The following TLK2 variants were observed in gnomAD, a reference collection of about 807,000 sequenced individuals.
TLK2 encodes the protein tousled like kinase 2.
In TLK2, 6 loss-of-function variants were observed where a neutral mutation model predicts 117.3. The observed-to-expected ratio is 0.05, with a 90% CI of 0.03 to 0.10. The LOEUF is 0.10. Among genes scored for constraint, TLK2 ranks in the 10% least tolerant of loss-of-function variants. The pLI, the probability that TLK2 is intolerant of heterozygous loss-of-function variation, is 1.00. For missense variants in TLK2, 299 were observed against 901.2 expected (o/e 0.33, Z 8.56); for synonymous variants, 257 against 316.7 (o/e 0.81, Z 2.00).
chr17:62,544,950 C>T (rs937485401), intron 7 of TLK2, among the ~76,000 whole-genome samples: 4 of 152,110 alleles, frequency 2.6e-5, no homozygotes, highest in Admixed American at 1.3e-4. Flanking sequence ...ATTCTTTTTA[C>T]GCTATTGCAA....
chr17:62,571,373 T>C (rs1372436105), intron 11 of TLK2, among the ~76,000 whole-genome samples: 4 of 152,180 alleles, frequency 2.6e-5, no homozygotes, highest in Non-Finnish European at 4.4e-5. Context: ...ATATTGTTTA[T>C]GGAATAATAA....
chr17:62,499,592 G>T (rs1468217530), intron 2 of TLK2, among the ~76,000 whole-genome samples: 1 of 152,076 alleles, frequency 6.6e-6, no homozygotes, highest in Non-Finnish European at 1.5e-5. Flanking sequence ...GCTCACGCCT[G>T]TAATCCTAGC....
chr17:62,540,070 TTTCTTCTTTC>T (rs1247284109), intron 7 of TLK2, among the ~76,000 whole-genome samples: 4 of 138,414 alleles, frequency 2.9e-5, no homozygotes, highest in Admixed American at 7.4e-5. Context: ...TTCTTTCTCC[TTTCTTCTTTC>T]TTCTTCTTTC....
chr17:62,528,482 T>C (rs2076524785), intron 6 of TLK2, among the ~76,000 whole-genome samples: 1 of 152,122 alleles, frequency 6.6e-6, no homozygotes, highest in African/African-American at 2.4e-5. Context: ...AGTGGCGCAA[T>C]CTTGGCTCAC....
intron 2 of TLK2, among the ~76,000 whole-genome samples, chr17:62,498,963 C>CGAGACCCTCCCACCT (rs1195040464): frequency 6.6e-6 from 1 of 152,066 alleles, no homozygotes; most frequent in African/African-American, 2.4e-5. Context: ...CCAGGGCTCA[C>CGAGACCCTCCCACCT]GAGACCCTCC....
intron 11 of TLK2, among the ~76,000 whole-genome samples, chr17:62,568,988 T>C (rs185424237): frequency 4.9e-4 from 74 of 151,542 alleles, no homozygotes; most frequent in Non-Finnish European, 6.8e-4. Context: ...ACAGAATATA[T>C]TCAATCCTGG....
At chr17:62,579,368 A>T (rs1359704333) in intron 14 of TLK2, among the ~76,000 whole-genome samples, 1 of 152,138 alleles carries the variant, frequency 6.6e-6, no homozygotes, top group Non-Finnish European at 1.5e-5. Context: ...TTGCCCAGGG[A>T]CCCATAAATA....
At chr17:62,538,370 G>GA (rs2077265500) in intron 7 of TLK2, among the ~76,000 whole-genome samples, 1 of 152,016 alleles carries the variant, frequency 6.6e-6, no homozygotes. Context: ...TACTTTTCCA[G>GA]AAAAAACCTT....
chr17:62,519,937 T>C (rs2075918233), intron 2 of TLK2, among the ~76,000 whole-genome samples: 2 of 152,140 alleles, frequency 1.3e-5, no homozygotes, highest in Non-Finnish European at 1.5e-5. Flanking sequence ...ACAACCCCTA[T>C]TGTTTTTGGG....
chr17:62,570,384 CT>C, intron 11 of TLK2, among the ~76,000 whole-genome samples: 1 of 152,226 alleles, frequency 6.6e-6, no homozygotes, highest in South Asian at 2.1e-4. Context: ...AGGGCGAGCG[CT>C]CTCTAAAATT....
At chr17:62,604,103 C>G (rs1255566338) in intron 19 of TLK2, among the ~76,000 whole-genome samples, 2 of 151,918 alleles carry the variant, frequency 1.3e-5, no homozygotes, top group African/African-American at 4.8e-5. Flanking sequence ...CTCCCGAGTT[C>G]AAGTGATTCT....
intron 7 of TLK2, among the ~76,000 whole-genome samples, chr17:62,546,279 C>G (rs950404976): frequency 6.6e-6 from 1 of 150,654 alleles, no homozygotes; most frequent in African/African-American, 2.4e-5. Context: ...TCCCAAAGTA[C>G]TGCGATTATA....
upstream of TLK2, chr17:62,477,744 AGAGT>A (rs1387285045): frequency 6.6e-6 from 1 of 152,240 alleles, no homozygotes; most frequent in East Asian, 1.9e-4. Flanking sequence ...GCGCCGGTGA[AGAGT>A]GATTTTTTTC....
intron 17 of TLK2, among the ~76,000 whole-genome samples, chr17:62,597,749 A>G (rs574979180): frequency 6.6e-6 from 1 of 152,278 alleles, no homozygotes; most frequent in South Asian, 2.1e-4. Flanking sequence ...GAAGTTAAAT[A>G]ACTTGTCTGA....
chr17:62,569,583 A>C (rs1361731772), intron 11 of TLK2, among the ~76,000 whole-genome samples: 2 of 151,202 alleles, frequency 1.3e-5, no homozygotes, highest in South Asian at 2.1e-4. Flanking sequence ...CTACAGGCAC[A>C]CACCACCACT....
intron 2 of TLK2, among the ~76,000 whole-genome samples, chr17:62,484,327 A>T (rs983234368): frequency 1.4e-5 from 2 of 147,626 alleles, no homozygotes; most frequent in African/African-American, 5.0e-5. Context: ...ACAGAGATTC[A>T]CTCTTGTTGC....
intron 2 of TLK2, among the ~76,000 whole-genome samples, chr17:62,482,921 G>A (rs1483155219): frequency 6.6e-6 from 1 of 152,116 alleles, no homozygotes; most frequent in Non-Finnish European, 1.5e-5. Context: ...AAGGTGCTGT[G>A]GGAACACAGG....
chr17:62,603,671 G>A (rs559699497), intron 19 of TLK2, among the ~76,000 whole-genome samples: 2 of 152,228 alleles, frequency 1.3e-5, no homozygotes, highest in African/African-American at 2.4e-5. Flanking sequence ...GGGAGAAATG[G>A]TGGAGATTGG....
intron 10 of TLK2, among the ~76,000 whole-genome samples, chr17:62,563,612 G>A (rs2079479854): frequency 6.6e-6 from 1 of 152,092 alleles, no homozygotes; most frequent in Non-Finnish European, 1.5e-5. Context: ...TTATCCCATG[G>A]TATCATCTCT....
Sources: allele counts gnomAD v4.1 joint callset (sites outside exome capture counted in the v4.1 genomes callset), GRCh38; gene constraint gnomAD v4.1.1; transcripts MANE v1.5; gene names NCBI Gene and HGNC (gene_info 2026-07-23, HGNC 2026-07-21).